GLDN: variants seen among roughly 807,000 people sequenced by gnomAD.
GLDN encodes gliomedin.
In GLDN, 47 loss-of-function variants were observed where a neutral mutation model predicts 56.5. The observed-to-expected ratio is 0.83, with a 90% CI of 0.66 to 1.06. The LOEUF (loss-of-function observed/expected upper bound fraction) is 1.06, where lower values mean the gene tolerates loss of function less well. Ranked by LOEUF, GLDN falls within the 50% of genes least tolerant of loss-of-function variation. The probability of loss-of-function intolerance (pLI) is 0.00; values close to 1 mark genes in which losing one functional copy is unlikely to be tolerated. For synonymous variants in GLDN, 332 were observed against 278.8 expected, an observed-to-expected ratio of 1.19 and a Z score of -1.90; for missense variants, 782 against 714.3, an observed-to-expected ratio of 1.09 and a Z score of -1.08.
At chr15:51,400,991 T>A (rs965444593) in intron 8 of GLDN, among the ~76,000 whole-genome samples, 2 of 152,208 alleles carry the variant, frequency 1.3e-5, no homozygotes, top group Non-Finnish European at 1.5e-5. Flanking sequence ...CTAGTTGTAC[T>A]GTCCCAAAGA....
chr15:51,404,455 G>A lies in GLDN; in HGVS notation c.1357G>A (p.Asp453Asn). The A allele has an allele frequency of 6.2e-7, 1 of 1,614,176 alleles. No individual in the cohort carries two copies. The highest frequency in any genetic ancestry group is 8.5e-7 in the Non-Finnish European group (1 of 1,180,042). Residue 453 changes from aspartate (D) to asparagine (N), a missense_variant, in exon 10 of 10, where the codon GAT (aspartate) becomes AAT (asparagine). Coordinates refer to ENST00000335449, the MANE Select transcript of GLDN (RefSeq NM_181789.4). ...CTCGAGCATTCTTGTAGCACAACTG[G>A]ATGAGAGGACATTCTCAGTGGTGCA... is the stretch of plus-strand genomic sequence containing the variant. Reference protein sequence around the residue: ...DGSSILVAQLDERTFSVVQHV... With the variant: ...DGSSILVAQLNERTFSVVQHV...
chr15:51,399,533 G>T (rs1383249962), intron 6 of GLDN, among the ~76,000 whole-genome samples: 1 of 152,180 alleles, frequency 6.6e-6, no homozygotes, highest in African/African-American at 2.4e-5. Flanking sequence ...ATGAGTCACA[G>T]CTCAGCTGTA....
At chr15:51,396,904 G>A (rs1412922349) in intron 5 of GLDN, among the ~76,000 whole-genome samples, 1 of 152,210 alleles carries the variant, frequency 6.6e-6, no homozygotes, top group Non-Finnish European at 1.5e-5. Flanking sequence ...TGTTTTGACA[G>A]GGTAATATAC....
chr15:51,386,196 C>T (rs899359129), intron 4 of GLDN, among the ~76,000 whole-genome samples: 12 of 152,102 alleles, frequency 7.9e-5, no homozygotes, highest in Admixed American at 2.0e-4. Context: ...AGCATTAGAC[C>T]GCGAAGCCTC....
intron 4 of GLDN, among the ~76,000 whole-genome samples, chr15:51,391,134 T>C (rs575297976): frequency 6.6e-6 from 1 of 152,342 alleles, no homozygotes; most frequent in Admixed American, 6.5e-5. Flanking sequence ...CAACCCTTTC[T>C]TAATGAAAGC....
rs1181113296 is a variant in GLDN, at chr15:51,386,864, G to A, written c.541+2972G>A. On this transcript the variant is annotated intron_variant, in intron 4 of 9. Coordinates refer to ENST00000335449, the MANE Select transcript of GLDN (RefSeq NM_181789.4). ...GGATGGGTAAGCTGCTCCTGCCTGA[G>A]GTGGGGAGCCCCGCACTCAACTCAG... is the stretch of plus-strand genomic sequence containing the variant. 4.6e-5 allele frequency among the ~76,000 whole-genome samples: 7 copies of A among 152,130 alleles called. No homozygotes were observed. In the South Asian group the frequency reaches 1.0e-3, roughly 23 times the overall value.
chr15:51,383,214 A>C (rs1306911926), intron 2 of GLDN, among the ~76,000 whole-genome samples: 1 of 152,244 alleles, frequency 6.6e-6, no homozygotes, highest in African/African-American at 2.4e-5. Flanking sequence ...CTCAGAAATT[A>C]ATCTTGGTTC....
At chr15:51,365,260 AT>A (rs1437574978) in intron 1 of GLDN, among the ~76,000 whole-genome samples, 3 of 151,960 alleles carry the variant, frequency 2.0e-5, no homozygotes, top group African/African-American at 4.8e-5. Flanking sequence ...AATTTTTTTC[AT>A]TGTATGAGAT....
chr15:51,344,448 G>T (rs1297582551), intron 1 of GLDN, among the ~76,000 whole-genome samples: 1 of 151,848 alleles, frequency 6.6e-6, no homozygotes, highest in African/African-American at 2.4e-5. Flanking sequence ...TTTACTCTCT[G>T]CTTTTCTCAG....
intron 4 of GLDN, 47 bp downstream of exon 4, chr15:51,383,939 A>G: frequency 2.2e-6 from 3 of 1,365,562 alleles, no homozygotes; most frequent in Non-Finnish European, 3.1e-6. Flanking sequence ...ATTTATCTCC[A>G]TGATTGCATT....
downstream of GLDN, among the ~76,000 whole-genome samples, chr15:51,412,353 A>G (rs1040080830): frequency 5.9e-5 from 9 of 152,202 alleles, no homozygotes; most frequent in Non-Finnish European, 1.2e-4. Flanking sequence ...AGGGTTAAAG[A>G]CATCCACATA....
chr15:51,385,950 T>A (rs1267614909), intron 4 of GLDN, among the ~76,000 whole-genome samples: 1 of 152,128 alleles, frequency 6.6e-6, no homozygotes, highest in African/African-American at 2.4e-5. Flanking sequence ...AGTGGAACAG[T>A]GCTATGCCTG....
At chr15:51,383,921 T>C (rs1006958113) in intron 4 of GLDN, 29 bp downstream of exon 4, 21 of 1,460,460 alleles carry the variant, frequency 1.4e-5, no homozygotes, top group Admixed American at 1.9e-5. Flanking sequence ...CTAATTAATT[T>C]CCCTGTTATT....
intron 1 of GLDN, among the ~76,000 whole-genome samples, chr15:51,372,165 G>A (rs2037530075): frequency 6.6e-6 from 1 of 151,546 alleles, no homozygotes; most frequent in Non-Finnish European, 1.5e-5. Context: ...GAAGCCACCA[G>A]TTCCACTACC....
intron 1 of GLDN, among the ~76,000 whole-genome samples, chr15:51,351,424 G>A (rs1460862233): frequency 2.6e-5 from 4 of 152,146 alleles, no homozygotes; most frequent in Non-Finnish European, 5.9e-5. Context: ...AAAAGTACCT[G>A]AAAACTGTCT....
Position 51,380,600 on chromosome 15 carries a change from G to A in GLDN, c.416-2836G>A, listed in dbSNP as rs8033469. Among the ~76,000 whole-genome samples the A allele has an allele frequency of 2.0e-3, 297 of 152,226 alleles. 2 individuals are homozygous for A. Among genetic ancestry groups the A allele is most frequent in the African/African-American group, 6.7e-3 (280 of 41,534 alleles). On this transcript the variant is annotated intron_variant, in intron 2 of 9. Coordinates refer to ENST00000335449, the MANE Select transcript of GLDN (RefSeq NM_181789.4). The stretch of plus-strand genomic sequence containing the variant: ...GCCTCAGCACATTTTATGTCTGCCC[G>A]GACTGCTGAGCTCTCTGGGGCTGTC...
At position 51,404,732 on chromosome 15, in the gene GLDN, T is replaced by G. The variant is rs748921414; in HGVS notation, c.1634T>G (p.Leu545Trp). ...GHLMLYPVQF[L>W]STTLNQ ...TTAATGCTTTATCCTGTGCAGTTTT[T>G]GTCAACTACCTTAAATCAGTGATGT... Residue 545 changes from leucine to tryptophan, a missense_variant, in exon 10 of 10, where the codon TTG becomes TGG. Physicochemically the swap from Leu to Trp is moderately conservative, Grantham distance 61 (BLOSUM62 -2). Transcript: ENST00000335449. 6.3e-7 allele frequency: 1 copy of G among 1,590,014 alleles called. No homozygotes were observed.
chr15:51,379,818 C>T (rs901828560), intron 2 of GLDN, among the ~76,000 whole-genome samples: 1 of 152,160 alleles, frequency 6.6e-6, no homozygotes, highest in Admixed American at 6.5e-5. Flanking sequence ...AATGAAAATG[C>T]AGGGTTTCTT....
chr15:51,364,085 G>T (rs2037355368), intron 1 of GLDN, among the ~76,000 whole-genome samples: 1 of 151,944 alleles, frequency 6.6e-6, no homozygotes, highest in Non-Finnish European at 1.5e-5. Context: ...TGTCTCTGGA[G>T]CTTCTTTAGC....
Sources: allele counts gnomAD v4.1 joint callset (sites outside exome capture counted in the v4.1 genomes callset), GRCh38; gene constraint gnomAD v4.1.1; transcripts MANE v1.5; gene names NCBI Gene and HGNC (gene_info 2026-07-23, HGNC 2026-07-21).